LRRTM4: variants seen among roughly 807,000 people sequenced by gnomAD.
The protein encoded by LRRTM4 is leucine-rich repeat transmembrane neuronal protein 4.
LRRTM4 carries 25 observed loss-of-function variants against 47.6 expected under a neutral mutation model. The observed-to-expected ratio is 0.53, with a 90% CI of 0.38 to 0.73. The LOEUF is 0.73. Among genes scored for constraint, LRRTM4 ranks in the 30% least tolerant of loss-of-function variants. The pLI is 0.00. For synonymous variants in LRRTM4, 311 were observed against 269.5 expected (o/e 1.15, Z -1.51); for missense variants, 638 against 713.4 (o/e 0.89, Z 1.20).
chr2:77,241,835 A>G (rs1227112557), intron 3 of LRRTM4, among the ~76,000 whole-genome samples: 1 of 151,748 alleles, frequency 6.6e-6, no homozygotes, highest in Non-Finnish European at 1.5e-5. Context: ...TTTTAGTTTG[A>G]TTTTGTATAT....
At chr2:77,495,400 T>C (rs1049755230) in intron 3 of LRRTM4, among the ~76,000 whole-genome samples, 1 of 151,898 alleles carries the variant, frequency 6.6e-6, no homozygotes, top group African/African-American at 2.4e-5. Context: ...GTTTTAACTT[T>C]AAGTCCAGTT....
At chr2:77,010,751 T>A (rs1198536849) in intron 3 of LRRTM4, among the ~76,000 whole-genome samples, 4 of 152,150 alleles carry the variant, frequency 2.6e-5, no homozygotes, top group Admixed American at 2.6e-4. Flanking sequence ...GATACTTAGA[T>A]GATACTTGGA....
chr2:76,965,699 G>C (rs556816779), intron 3 of LRRTM4, among the ~76,000 whole-genome samples: 4 of 151,238 alleles, frequency 2.6e-5, no homozygotes, highest in Admixed American at 6.6e-5. Context: ...CTTTTCACTA[G>C]GCATTTCAAA....
chr2:77,167,119 A>G (rs909129851), intron 3 of LRRTM4, among the ~76,000 whole-genome samples: 1 of 152,178 alleles, frequency 6.6e-6, no homozygotes, highest in Non-Finnish European at 1.5e-5. Flanking sequence ...AGAAAAAAAC[A>G]ACCCCATCAA....
chr2:77,141,627 G>T (rs754103659), intron 3 of LRRTM4, among the ~76,000 whole-genome samples: 1 of 151,856 alleles, frequency 6.6e-6, no homozygotes, highest in African/African-American at 2.4e-5. Context: ...TTAAAAAAAT[G>T]GTTTAACTCT....
chr2:76,920,143 A>T (rs1379652274), intron 3 of LRRTM4, among the ~76,000 whole-genome samples: 1 of 152,172 alleles, frequency 6.6e-6, no homozygotes, highest in Non-Finnish European at 1.5e-5. Flanking sequence ...TACAGGTGAT[A>T]AAAATCACTT....
At chr2:77,422,164 T>A (rs1674923777) in intron 3 of LRRTM4, among the ~76,000 whole-genome samples, 1 of 152,254 alleles carries the variant, frequency 6.6e-6, no homozygotes, top group Non-Finnish European at 1.5e-5. Flanking sequence ...TCAGAATGGA[T>A]CCTCATTGTT....
intron 3 of LRRTM4, among the ~76,000 whole-genome samples, chr2:76,829,175 T>A (rs961166081): frequency 1.3e-5 from 2 of 151,934 alleles, no homozygotes; most frequent in African/African-American, 4.8e-5. Context: ...ACTCTGGAGA[T>A]TGGCCACACA....
chr2:77,379,657 T>C (rs1421725660), intron 3 of LRRTM4, among the ~76,000 whole-genome samples: 1 of 152,132 alleles, frequency 6.6e-6, no homozygotes, highest in Non-Finnish European at 1.5e-5. Context: ...TGCTTTTTAA[T>C]TACGCCTTTG....
At chr2:77,291,310 T>C (rs1262720684) in intron 3 of LRRTM4, among the ~76,000 whole-genome samples, 2 of 152,080 alleles carry the variant, frequency 1.3e-5, no homozygotes, top group African/African-American at 4.8e-5. Flanking sequence ...GAAGAAAGTT[T>C]TGTCAAATAA....
chr2:77,289,588 T>G (rs1027572903), intron 3 of LRRTM4, among the ~76,000 whole-genome samples: 10 of 150,784 alleles, frequency 6.6e-5, no homozygotes, highest in South Asian at 4.2e-4. Context: ...ATGTTAGTGG[T>G]TTTTTTTTAG....
intron 3 of LRRTM4, among the ~76,000 whole-genome samples, chr2:77,093,171 G>A (rs900867794): frequency 2.7e-5 from 4 of 148,142 alleles, no homozygotes; most frequent in Non-Finnish European, 5.9e-5. Context: ...CCCTGCTCTT[G>A]TTTACACTGC....
intron 3 of LRRTM4, among the ~76,000 whole-genome samples, chr2:76,838,601 A>G (rs1469959159): frequency 1.3e-5 from 2 of 152,110 alleles, no homozygotes; most frequent in Non-Finnish European, 2.9e-5. Flanking sequence ...AGAAGCCAAA[A>G]TGCCATTCTC....
chr2:77,014,414 A>G (rs1207417347), intron 3 of LRRTM4, among the ~76,000 whole-genome samples: 1 of 151,844 alleles, frequency 6.6e-6, no homozygotes, highest in Non-Finnish European at 1.5e-5. Flanking sequence ...TCACCCTACA[A>G]TATAAATCAT....
chr2:77,490,420 T>G (rs745984605), intron 3 of LRRTM4, among the ~76,000 whole-genome samples: 4 of 151,936 alleles, frequency 2.6e-5, no homozygotes, highest in Non-Finnish European at 5.9e-5. Context: ...AAACTAAAGC[T>G]AAATGTAAAA....
intron 3 of LRRTM4, among the ~76,000 whole-genome samples, chr2:77,297,919 T>C (rs529584571): frequency 6.6e-6 from 1 of 152,350 alleles, no homozygotes; most frequent in East Asian, 1.9e-4. Flanking sequence ...AGATAATTTT[T>C]GTTTTGTTTT....
At chr2:77,394,949 A>C (rs547986286) in intron 3 of LRRTM4, among the ~76,000 whole-genome samples, 1 of 151,890 alleles carries the variant, frequency 6.6e-6, no homozygotes, top group Non-Finnish European at 1.5e-5. Flanking sequence ...TCTGGCATTG[A>C]GCTCAAGTTG....
intron 3 of LRRTM4, among the ~76,000 whole-genome samples, chr2:77,101,923 A>G (rs1450235118): frequency 2.0e-5 from 3 of 152,178 alleles, no homozygotes; most frequent in East Asian, 1.9e-4. Flanking sequence ...TCCTTGCTAC[A>G]TGAGTCTTCA....
chr2:76,855,167 G>A (rs950050736), intron 3 of LRRTM4, among the ~76,000 whole-genome samples: 1 of 152,158 alleles, frequency 6.6e-6, no homozygotes, highest in Admixed American at 6.5e-5. Context: ...GAGACATCAG[G>A]AGCAACGTTA....
Sources: gnomAD v4.1 joint callset for allele counts (sites outside exome capture counted in the v4.1 genomes callset) on GRCh38, gnomAD v4.1.1 for gene constraint, MANE v1.5 for transcripts, NCBI Gene and HGNC (gene_info 2026-07-23, HGNC 2026-07-21) for gene names.